UBN1: variants seen among roughly 807,000 people sequenced by gnomAD.
UBN1 encodes ubinuclein 1, also known as ubinuclein-1.
Under a neutral mutation model 108.5 loss-of-function variants are expected in UBN1, and 17 were observed. The observed-to-expected ratio is 0.16, with a 90% CI of 0.11 to 0.24. The LOEUF is 0.24. UBN1 is among the 10% of genes least tolerant of loss of function. The pLI is 1.00. For synonymous variants in UBN1, 726 were observed against 564.2 expected (o/e 1.29, Z -4.07); for missense variants, 1,595 against 1,394.4 (o/e 1.14, Z -2.29).
intron 7 of UBN1, among the ~76,000 whole-genome samples, chr16:4,864,812 C>T (rs2087244726): frequency 6.6e-6 from 1 of 152,072 alleles, no homozygotes; most frequent in African/African-American, 2.4e-5. Context: ...GAATTAGAAC[C>T]CCTCATCACA....
chr16:4,877,412 C>T lies in UBN1; in HGVS notation c.3293C>T (p.Pro1098Leu). Reference sequence around the variant, plus strand: ...CTTCTGGCTGGCTTGCACTCCAGCCCGCCCCATGCAGCGCCTCTCCCACAC... The same window carrying T: ...CTTCTGGCTGGCTTGCACTCCAGCCTGCCCCATGCAGCGCCTCTCCCACAC... ...HSLLAGLHSS[P>L]PHAAPLPHAA... The change falls in exon 17 of 18, where the codon CCG becomes CTG. Residue 1098 changes from proline (P) to leucine (L), a missense_variant. Pro to Leu is a moderately conservative substitution (Grantham distance 98). This residue lies in a region of UBN1 where 1,398 missense variants were observed against 1,194.7 expected (regional missense o/e 1.17). Coordinates refer to ENST00000262376, the MANE Select transcript of UBN1 (RefSeq NM_001079514.3). This position sits in a 1 kb window ranked among gnomAD's most constrained non-coding sequence, Gnocchi z 4.3. The T allele has an allele frequency of 5.6e-6, 9 of 1,612,558 alleles. No individual in the cohort carries two copies. Among genetic ancestry groups the T allele is most frequent in the Non-Finnish European group, 6.8e-6 (8 of 1,179,508 alleles).
intron 7 of UBN1, among the ~76,000 whole-genome samples, chr16:4,862,056 G>A (rs2087092515): frequency 6.6e-6 from 1 of 152,220 alleles, no homozygotes; most frequent in African/African-American, 2.4e-5. Context: ...ATTTCTAACT[G>A]TAAACTAGGC....
At chr16:4,856,458 A>G (rs1043393927) in intron 2 of UBN1, among the ~76,000 whole-genome samples, 2 of 152,232 alleles carry the variant, frequency 1.3e-5, no homozygotes, top group Non-Finnish European at 2.9e-5. Flanking sequence ...GACTATAGAA[A>G]GTTAGAGAAA....
intron 14 of UBN1, 144 bp downstream of exon 14, chr16:4,873,217 C>A: frequency 8.1e-7 from 1 of 1,229,630 alleles, no homozygotes; most frequent in Non-Finnish European, 1.2e-6. Context: ...GAAGTCATAA[C>A]AGGACAGAGA....
At chr16:4,854,985 G>A (rs867604319) in intron 2 of UBN1, among the ~76,000 whole-genome samples, 2 of 152,174 alleles carry the variant, frequency 1.3e-5, no homozygotes, top group African/African-American at 2.4e-5. Flanking sequence ...GCCTCCCAAA[G>A]TGCTGGGATT....
chr16:4,877,817 A>G lies in UBN1; in HGVS notation c.3355+343A>G, dbSNP rs2087959026. On this transcript the variant is annotated intron_variant, in intron 17 of 17. Transcript: ENST00000262376. The surrounding 1 kb of genome is among the most constrained non-coding windows in gnomAD (Gnocchi z 4.3). ...TCAGTTTAAAAAAAAAAAAAAAGGG[A>G]AGGTAATGGTGCATCTTCTCCAAGG... 2 of 1,000,958 alleles carry G rather than the reference A, an allele frequency of 2.0e-6. No homozygotes were observed. Among genetic ancestry groups the G allele is most frequent in the African/African-American group, 1.8e-5 (1 of 57,072 alleles). The allele number at this position is 1,000,958 out of a possible 1,614,324, so 62.0% of individuals were successfully genotyped here. A position where few individuals can be genotyped will look rare whatever the true frequency, so the allele number is the denominator to read the frequency against.
In UBN1 at chr16:4,874,662, A is replaced by G. The variant is rs752196442; in HGVS notation, c.2252A>G (p.Gln751Arg). ...GCTCTGGCACTGGGGCAGTCCTCTC[A>G]GGAGAAAAAACCAGAGAGTTCTGGC... ...EQALALGQSSQEKKPESSGYK... is the reference protein window; with the variant it reads ...EQALALGQSSREKKPESSGYK... Residue 751 changes from glutamine to arginine, a missense_variant, in exon 15 of 18, where the codon CAG (glutamine) becomes CGG (arginine). Around this residue, in one of 3 missense-constraint regions of UBN1, gnomAD observed 1,398 missense variants for 1,194.7 expected, o/e 1.17. Coordinates refer to ENST00000262376, the MANE Select transcript of UBN1 (RefSeq NM_001079514.3). The G allele has an allele frequency of 8.1e-5, 131 of 1,614,060 alleles. No homozygotes were observed. Among genetic ancestry groups the G allele is most frequent in the Non-Finnish European group, 1.1e-4 (128 of 1,180,040 alleles).
At chr16:4,859,566 T>C (rs2086965383) in intron 5 of UBN1, among the ~76,000 whole-genome samples, 1 of 152,218 alleles carries the variant, frequency 6.6e-6, no homozygotes. Context: ...TTTAAAAACC[T>C]GTCTACCACT....
At chr16:4,848,741 A>C (rs557947959) in intron 1 of UBN1, among the ~76,000 whole-genome samples, 3 of 152,252 alleles carry the variant, frequency 2.0e-5, no homozygotes, top group South Asian at 2.1e-4. Flanking sequence ...AAAATTTAAC[A>C]TAAGTTCCTG....
chr16:4,859,991 C>G, intron 6 of UBN1, 23 bp downstream of exon 6: 1 of 1,613,614 alleles, frequency 6.2e-7, no homozygotes, highest in Non-Finnish European at 8.5e-7. Flanking sequence ...AGCTTCTTTG[C>G]TAGGATAAAG....
Position 4,874,950 on chromosome 16 carries a change from C to T in UBN1, c.2540C>T (p.Thr847Ile), listed in dbSNP as rs2087810151. The T allele has an allele frequency of 6.2e-7, 1 of 1,614,176 alleles. No individual in the cohort carries two copies. Among genetic ancestry groups the T allele is most frequent in the Non-Finnish European group, 8.5e-7 (1 of 1,180,052 alleles). Reference sequence around the variant, plus strand: ...CGTTCCCTCCTGCAGTTAGTGAAGACAGCGGCCAAAGGCCAGGGCTTCCAT... The same window carrying T: ...CGTTCCCTCCTGCAGTTAGTGAAGATAGCGGCCAAAGGCCAGGGCTTCCAT... ...CHRSLLQLVK[T>I]AAKGQGFHPS... The change falls in exon 15 of 18, where the codon ACA becomes ATA. Residue 847 changes from threonine (T) to isoleucine (I), a missense_variant. By Grantham distance (89) the Thr-to-Ile change is moderately conservative (BLOSUM62 -1). Transcript: ENST00000262376.
At chr16:4,872,240 C>G in intron 12 of UBN1, 1 of 985,370 alleles carries the variant, frequency 1.0e-6, no homozygotes. Flanking sequence ...CAAAGACATG[C>G]TGGGTCACTC....
chr16:4,864,237 C>A (rs2087214806), intron 7 of UBN1, among the ~76,000 whole-genome samples: 1 of 152,050 alleles, frequency 6.6e-6, no homozygotes, highest in Non-Finnish European at 1.5e-5. Context: ...CAGGCGTGAG[C>A]CACTGCGCCT....
rs182693734 is a variant in UBN1, at chr16:4,864,799, A to T, written c.1110+3697A>T. 2.0e-5 allele frequency among the ~76,000 whole-genome samples: 3 copies of T among 152,158 alleles called. No homozygotes were observed. In the East Asian group the frequency reaches 5.8e-4, roughly 29 times the overall value. On this transcript the variant is annotated intron_variant, in intron 7 of 17. Coordinates refer to ENST00000262376, the MANE Select transcript of UBN1 (RefSeq NM_001079514.3). ...TGTCACCCATTCTGCTCTGCCCTCT[A>T]TAGAATTAGAACCCCTCATCACAAG...
At position 4,881,076 on chromosome 16, in the gene UBN1, C is replaced by T. The variant is rs1393113109; in HGVS notation, c.*944C>T. The T allele has an allele frequency of 6.6e-6, 1 of 152,558 alleles. No individual in the cohort carries two copies. The allele number at this position is 152,558 out of a possible 1,614,324, so 9.5% of individuals were successfully genotyped here. ...CCCAAATTCCAAGTCCCAGTATAGC[C>T]AGGGCTCCCATTTTGTTTTTCCAGA... On this transcript the variant is annotated 3_prime_UTR_variant, in exon 18 of 18. Transcript: ENST00000262376.
At chr16:4,870,160 G>T in intron 8 of UBN1, 52 bp from the exon 9 acceptor site, 1 of 1,610,980 alleles carries the variant, frequency 6.2e-7, no homozygotes, top group Non-Finnish European at 8.5e-7. Context: ...AGCTGATGAA[G>T]ACAGGAGTTG....
At chr16:4,859,317 G>A (rs1311091981) in intron 5 of UBN1, among the ~76,000 whole-genome samples, 158 bp downstream of exon 5, 1 of 152,194 alleles carries the variant, frequency 6.6e-6, no homozygotes, top group Non-Finnish European at 1.5e-5. Context: ...TTACACGTGT[G>A]CCCTAATGAG....
At chr16:4,870,999 T>C in intron 11 of UBN1, 27 bp downstream of exon 11, 1 of 1,613,026 alleles carries the variant, frequency 6.2e-7, no homozygotes, top group Non-Finnish European at 8.5e-7. Flanking sequence ...ACTTGGCCTC[T>C]TTGGAGGGTT....
intron 8 of UBN1, among the ~76,000 whole-genome samples, chr16:4,869,286 G>C (rs2087490264): frequency 1.3e-5 from 2 of 152,204 alleles, no homozygotes; most frequent in Non-Finnish European, 2.9e-5. Context: ...GGCCTGCTCT[G>C]CCTTGGGTGT....
Sources: gnomAD v4.1 joint callset for allele counts (sites outside exome capture counted in the v4.1 genomes callset) on GRCh38, gnomAD v4.1.1 for gene constraint, gnomAD v4.1.1 regional missense constraint, Gnocchi (gnomAD v3.1) non-coding constraint, MANE v1.5 for transcripts, NCBI Gene and HGNC (gene_info 2026-07-23, HGNC 2026-07-21) for gene names.